RAD51B: variants seen among roughly 807,000 people sequenced by gnomAD.
RAD51B encodes DNA repair protein RAD51 homolog 2.
In RAD51B, 38 loss-of-function variants were observed where a neutral mutation model predicts 42.2. That is an observed-to-expected ratio of 0.90 (90% CI 0.70 to 1.18). RAD51B has a LOEUF of 1.18. Ranked by LOEUF, RAD51B falls within the 50% of genes most tolerant of loss-of-function variation. The pLI, the probability that RAD51B is intolerant of heterozygous loss-of-function variation, is 0.00. For synonymous variants in RAD51B, 154 were observed against 145.2 expected (o/e 1.06, Z -0.43); for missense variants, 373 against 400.7 (o/e 0.93, Z 0.59).
intron 10 of RAD51B, chr14:68,497,342 C>G (rs946064518): frequency 4.8e-6 from 6 of 1,245,800 alleles, no homozygotes; most frequent in Non-Finnish European, 6.1e-6. Flanking sequence ...ACAAGCCCAA[C>G]AGTAATCTGC....
chr14:68,267,530 T>C (rs1046828031), intron 7 of RAD51B, among the ~76,000 whole-genome samples: 2 of 152,220 alleles, frequency 1.3e-5, no homozygotes, highest in African/African-American at 4.8e-5. Context: ...ATTGGTTATT[T>C]GGCAAACACT....
At chr14:68,163,712 A>G (rs1469638919) in intron 7 of RAD51B, among the ~76,000 whole-genome samples, 1 of 152,138 alleles carries the variant, frequency 6.6e-6, no homozygotes, top group Non-Finnish European at 1.5e-5. Context: ...TAAGGTGCCT[A>G]ATGGCCACCC....
intron 10 of RAD51B, chr14:68,561,882 G>A (rs1161184025): frequency 9.3e-6 from 8 of 857,628 alleles, no homozygotes; most frequent in Non-Finnish European, 1.1e-5. Context: ...GGAAAAGGAG[G>A]ACAACAGTCT....
intron 7 of RAD51B, among the ~76,000 whole-genome samples, chr14:67,919,007 A>G (rs1014666781): frequency 7.2e-5 from 11 of 152,232 alleles, no homozygotes; most frequent in African/African-American, 2.7e-4. Flanking sequence ...ATGGTGAACA[A>G]AAGTCCAGGA....
chr14:68,067,587 CA>C (rs1322861014), intron 7 of RAD51B, among the ~76,000 whole-genome samples: 1 of 151,692 alleles, frequency 6.6e-6, no homozygotes, highest in East Asian at 1.9e-4. Flanking sequence ...TTTGATTATG[CA>C]CAAAGAAGGC....
chr14:68,633,931 A>G (rs1279193663), intron 10 of RAD51B, among the ~76,000 whole-genome samples: 1 of 152,228 alleles, frequency 6.6e-6, no homozygotes, highest in African/African-American at 2.4e-5. Context: ...GCAACTGCCC[A>G]AGTTACCTTG....
intron 7 of RAD51B, among the ~76,000 whole-genome samples, chr14:68,076,666 T>G (rs1355178773): frequency 6.6e-6 from 1 of 152,176 alleles, no homozygotes; most frequent in Admixed American, 6.5e-5. Context: ...TGGGAGTTGT[T>G]TGAACTAACA....
chr14:68,239,449 G>A (rs1457362943), intron 7 of RAD51B, among the ~76,000 whole-genome samples: 2 of 151,790 alleles, frequency 1.3e-5, no homozygotes, highest in African/African-American at 4.8e-5. Context: ...AGAGACGGAA[G>A]CAGTCATCCT....
chr14:68,584,936 G>A (rs573057260), intron 10 of RAD51B, among the ~76,000 whole-genome samples: 80 of 152,292 alleles, frequency 5.3e-4, no homozygotes, highest in African/African-American at 1.9e-3. Context: ...AGAGCCCTCA[G>A]GGTTTGGCAG....
chr14:68,442,118 G>A (rs1327267514), intron 9 of RAD51B, among the ~76,000 whole-genome samples: 2 of 152,170 alleles, frequency 1.3e-5, no homozygotes, highest in African/African-American at 4.8e-5. Flanking sequence ...TACAAAGTCT[G>A]AGATCCATGG....
chr14:67,900,627 A>G (rs1173641820), intron 7 of RAD51B, among the ~76,000 whole-genome samples: 1 of 125,988 alleles, frequency 7.9e-6, no homozygotes, highest in African/African-American at 3.3e-5. Context: ...TGTGTGTGTC[A>G]TACACACACA....
At chr14:68,021,575 T>C (rs955840453) in intron 7 of RAD51B, among the ~76,000 whole-genome samples, 4 of 152,204 alleles carry the variant, frequency 2.6e-5, no homozygotes, top group African/African-American at 9.6e-5. Context: ...AACTAAGTGT[T>C]ATTTCTTTTC....
intron 7 of RAD51B, among the ~76,000 whole-genome samples, chr14:67,977,129 T>G (rs980866970): frequency 1.3e-5 from 2 of 152,212 alleles, no homozygotes; most frequent in African/African-American, 4.8e-5. Flanking sequence ...GTGCCTTTCT[T>G]TATTTTTAAT....
At chr14:68,374,662 AT>A (rs1460536953) in intron 8 of RAD51B, among the ~76,000 whole-genome samples, 1 of 151,272 alleles carries the variant, frequency 6.6e-6, no homozygotes, top group African/African-American at 2.4e-5. Context: ...AGAGATGGCA[AT>A]TTATCTTAAA....
At chr14:68,537,110 A>AAG (rs1887670102) in intron 10 of RAD51B, among the ~76,000 whole-genome samples, 1 of 148,730 alleles carries the variant, frequency 6.7e-6, no homozygotes, top group East Asian at 2.0e-4. Context: ...AAAAAAAAAA[A>AAG]GGCACCCAAA....
intron 7 of RAD51B, among the ~76,000 whole-genome samples, 159 bp from the exon 8 acceptor site, chr14:68,291,725 A>G (rs2081520084): frequency 6.6e-6 from 1 of 152,230 alleles, no homozygotes; most frequent in Non-Finnish European, 1.5e-5. Flanking sequence ...TGGCCTAAAG[A>G]TAAAGCTGGT....
intron 7 of RAD51B, among the ~76,000 whole-genome samples, chr14:68,169,976 G>C (rs2078835960): frequency 6.6e-6 from 1 of 152,178 alleles, no homozygotes; most frequent in South Asian, 2.1e-4. Context: ...ACTCTTAGCT[G>C]TGGTGGAAAG....
chr14:68,057,457 T>A (rs73284273), intron 7 of RAD51B, among the ~76,000 whole-genome samples: 2,221 of 152,234 alleles, frequency 0.015, 56 homozygotes, highest in African/African-American at 0.05. Context: ...TGGAACTTTC[T>A]GAAAACTCCT....
At chr14:68,512,353 C>T (rs1471107227) in intron 10 of RAD51B, among the ~76,000 whole-genome samples, 1 of 152,226 alleles carries the variant, frequency 6.6e-6, no homozygotes, top group Non-Finnish European at 1.5e-5. Context: ...CATCATTCTC[C>T]TCCTACGGTT....
Sources: allele counts gnomAD v4.1 joint callset (sites outside exome capture counted in the v4.1 genomes callset), GRCh38; gene constraint gnomAD v4.1.1; transcripts MANE v1.5; gene names NCBI Gene and HGNC (gene_info 2026-07-23, HGNC 2026-07-21).